The following TMEM108 variants were observed in gnomAD, a reference collection of about 807,000 sequenced individuals.
The protein encoded by TMEM108 is transmembrane protein 108, also known as cancer/testis antigen 124.
A neutral mutation model predicts 35.1 loss-of-function variants in TMEM108; 12 were observed. The ratio of observed to expected loss-of-function variants is 0.34; its 90% CI spans 0.22 to 0.55. TMEM108 has a LOEUF of 0.55. TMEM108 is among the 20% of genes least tolerant of loss of function. The probability of loss-of-function intolerance (pLI) is 0.89; values close to 1 mark genes in which losing one functional copy is unlikely to be tolerated. For synonymous variants in TMEM108, 287 were observed against 308.6 expected (o/e 0.93, Z 0.73); for missense variants, 680 against 753.3 (o/e 0.90, Z 1.14).
chr3:133,146,289 C>T (rs574393330), intron 2 of TMEM108, among the ~76,000 whole-genome samples: 1 of 152,182 alleles, frequency 6.6e-6, no homozygotes, highest in Non-Finnish European at 1.5e-5. Context: ...TATGTTGAAC[C>T]AGCCTTGCAT....
At chr3:133,178,319 A>T (rs1945270841) in intron 2 of TMEM108, among the ~76,000 whole-genome samples, 1 of 152,228 alleles carries the variant, frequency 6.6e-6, no homozygotes, top group Admixed American at 6.5e-5. Context: ...ACTAAAGTTC[A>T]TATGGAACCA....
chr3:133,166,531 TC>T (rs1420878071), intron 2 of TMEM108, among the ~76,000 whole-genome samples: 1 of 152,202 alleles, frequency 6.6e-6, no homozygotes, highest in Admixed American at 6.5e-5. Context: ...CGGAGTTTCT[TC>T]CTTCTGGTGG....
intron 3 of TMEM108, among the ~76,000 whole-genome samples, chr3:133,234,292 T>C (rs1946199901): frequency 6.6e-6 from 1 of 152,122 alleles, no homozygotes; most frequent in African/African-American, 2.4e-5. Context: ...ATTTATTAAA[T>C]AGGGAATCTC....
intron 2 of TMEM108, among the ~76,000 whole-genome samples, chr3:133,117,455 G>A (rs1383544771): frequency 6.6e-6 from 1 of 152,130 alleles, no homozygotes; most frequent in Non-Finnish European, 1.5e-5. Context: ...AGTCTATCTA[G>A]GCTTCTTATA....
At chr3:133,350,321 A>T (rs1355654475) in intron 3 of TMEM108, among the ~76,000 whole-genome samples, 1 of 152,148 alleles carries the variant, frequency 6.6e-6, no homozygotes, top group Admixed American at 6.6e-5. Context: ...GTTAATAGGT[A>T]AAAGGTTACA....
intron 2 of TMEM108, among the ~76,000 whole-genome samples, chr3:133,174,385 T>G (rs1945178582): frequency 6.6e-6 from 1 of 152,142 alleles, no homozygotes; most frequent in African/African-American, 2.4e-5. Context: ...CCTCCTCAAG[T>G]GGGTCCCTGA....
At chr3:133,325,477 A>G (rs2071319555) in intron 3 of TMEM108, among the ~76,000 whole-genome samples, 1 of 152,174 alleles carries the variant, frequency 6.6e-6, no homozygotes, top group South Asian at 2.1e-4. Flanking sequence ...AAATTTTTAA[A>G]AAGTCAAAAT....
intron 3 of TMEM108, among the ~76,000 whole-genome samples, chr3:133,276,831 C>G (rs1010134537): frequency 2.0e-5 from 3 of 152,168 alleles, no homozygotes; most frequent in Non-Finnish European, 4.4e-5. Context: ...GTGGCTTCGG[C>G]TTCTGTAAAC....
chr3:133,142,142 G>A (rs567960620), intron 2 of TMEM108, among the ~76,000 whole-genome samples: 4 of 152,206 alleles, frequency 2.6e-5, no homozygotes, highest in Non-Finnish European at 5.9e-5. Context: ...AGTTAAGAAC[G>A]GCTGCTGAAA....
chr3:133,060,536 C>T (rs1943523421), intron 2 of TMEM108, among the ~76,000 whole-genome samples: 1 of 151,958 alleles, frequency 6.6e-6, no homozygotes, highest in Admixed American at 6.6e-5. Context: ...GTTTGTATAC[C>T]CCCCAAATTC....
At position 133,168,407 on chromosome 3, in the gene TMEM108, A is replaced by AGG. The variant is rs1683872567; in HGVS notation, c.-46-60856_-46-60855dup. Among the ~76,000 whole-genome samples the AGG allele has an allele frequency of 1.3e-5, 2 of 152,128 alleles. 1 individual carries two copies. Among genetic ancestry groups the AGG allele is most frequent in the South Asian group, 4.1e-4 (2 of 4,822 alleles). The stretch of plus-strand genomic sequence containing the variant: ...CGGAAGGCTTGAAGGGCAAGAGATC[A>AGG]GGGGAGAGAGAGGGAGGCGAGGGGG... On this transcript the variant is annotated intron_variant, in intron 2 of 5. Coordinates refer to ENST00000321871, the MANE Select transcript of TMEM108 (RefSeq NM_023943.4).
At chr3:133,304,531 A>G (rs1337141582) in intron 3 of TMEM108, among the ~76,000 whole-genome samples, 1 of 152,060 alleles carries the variant, frequency 6.6e-6, no homozygotes, top group Non-Finnish European at 1.5e-5. Context: ...CTATGCAACC[A>G]CTGAGCTGCA....
intron 3 of TMEM108, among the ~76,000 whole-genome samples, chr3:133,347,004 G>A (rs558372676): frequency 1.3e-5 from 2 of 152,186 alleles, no homozygotes; most frequent in South Asian, 4.1e-4. Flanking sequence ...CAGTTTCTCT[G>A]TTCTTTCATC....
At chr3:133,256,127 T>C (rs73217543) in intron 3 of TMEM108, among the ~76,000 whole-genome samples, 6,766 of 152,204 alleles carry the variant, frequency 0.044, 190 homozygotes, top group Non-Finnish European at 0.064. Context: ...AAACTGATGG[T>C]TGACTTCTCA....
chr3:133,228,131 C>G (rs192185080), intron 2 of TMEM108, among the ~76,000 whole-genome samples: 24 of 151,716 alleles, frequency 1.6e-4, no homozygotes, highest in African/African-American at 3.4e-4. Context: ...TGAATATATT[C>G]CCAATCACTG....
chr3:133,132,555 T>C (rs1274106070), intron 2 of TMEM108, among the ~76,000 whole-genome samples: 1 of 152,154 alleles, frequency 6.6e-6, no homozygotes, highest in Non-Finnish European at 1.5e-5. Context: ...CAAAATATTA[T>C]TGCTCATTGA....
At chr3:133,356,493 A>G (rs2072174196) in intron 3 of TMEM108, among the ~76,000 whole-genome samples, 1 of 152,182 alleles carries the variant, frequency 6.6e-6, no homozygotes, top group Non-Finnish European at 1.5e-5. Flanking sequence ...ATATGGAACC[A>G]AAAAAGAGCC....
At chr3:133,056,708 A>T (rs1415332448) in intron 2 of TMEM108, among the ~76,000 whole-genome samples, 1 of 151,792 alleles carries the variant, frequency 6.6e-6, no homozygotes, top group Non-Finnish European at 1.5e-5. Context: ...TGAGCATCTA[A>T]AGATACATTT....
chr3:133,262,828 G>A (rs1946643287), intron 3 of TMEM108, among the ~76,000 whole-genome samples: 1 of 152,222 alleles, frequency 6.6e-6, no homozygotes, highest in African/African-American at 2.4e-5. Flanking sequence ...GAGTTGCTTT[G>A]CAGAAATCTT....
Sources: allele counts gnomAD v4.1 joint callset (sites outside exome capture counted in the v4.1 genomes callset), GRCh38; gene constraint gnomAD v4.1.1; transcripts MANE v1.5; gene names NCBI Gene and HGNC (gene_info 2026-07-23, HGNC 2026-07-21).